Variants in ERC2 observed in about 807,000 individuals in gnomAD.
ERC2 encodes the protein ELKS/RAB6-interacting/CAST family member 2, also known as ERC protein 2.
In ERC2, 42 loss-of-function variants were observed where a neutral mutation model predicts 114.8. That is an observed-to-expected ratio of 0.37 (90% CI 0.29 to 0.47). The LOEUF (loss-of-function observed/expected upper bound fraction) is 0.47, where lower values mean the gene tolerates loss of function less well. Ranked by LOEUF, ERC2 falls within the 20% of genes least tolerant of loss-of-function variation. The probability of loss-of-function intolerance (pLI) is 0.99; values close to 1 mark genes in which losing one functional copy is unlikely to be tolerated. For missense variants in ERC2, 939 were observed against 1,150.7 expected, an observed-to-expected ratio of 0.82 and a Z score of 2.66; for synonymous variants, 454 against 425.5, an observed-to-expected ratio of 1.07 and a Z score of -0.82.
intron 4 of ERC2, among the ~76,000 whole-genome samples, chr3:56,172,032 CT>C (rs71939591): frequency 0.32 from 44,975 of 140,110 alleles, 7,588 homozygotes; most frequent in Middle Eastern, 0.46. Flanking sequence ...CATTTTTCCT[CT>C]TTTTTTTTTT....
At chr3:56,213,232 G>A (rs1192214085) in intron 3 of ERC2, among the ~76,000 whole-genome samples, 2 of 152,194 alleles carry the variant, frequency 1.3e-5, no homozygotes, top group African/African-American at 4.8e-5. Flanking sequence ...CCTCACCCAG[G>A]AAGTGCAAGG....
chr3:55,980,278 A>AT (rs2070005731), intron 12 of ERC2, among the ~76,000 whole-genome samples: 1 of 150,144 alleles, frequency 6.7e-6, no homozygotes, highest in African/African-American at 2.5e-5. Context: ...AAAATCCTCC[A>AT]CAAAAAAAAT....
At chr3:56,132,189 A>G (rs777104614) in intron 6 of ERC2, among the ~76,000 whole-genome samples, 4 of 152,150 alleles carry the variant, frequency 2.6e-5, no homozygotes, top group Non-Finnish European at 4.4e-5. Flanking sequence ...ACTCCTTGTC[A>G]TGGTTACCTT....
chr3:56,139,591 T>C lies in ERC2; in HGVS notation c.1391A>G (p.Asn464Ser). 6.2e-7 allele frequency: 1 copy of C among 1,613,696 alleles called. No individual in the cohort carries two copies. Among genetic ancestry groups the C allele is most frequent in the South Asian group, 1.1e-5 (1 of 90,958 alleles). The change falls in exon 6 of 18, where the codon AAT (asparagine) becomes AGT (serine). Residue 464 changes from asparagine to serine, a missense_variant. Coordinates refer to ENST00000288221, the MANE Select transcript of ERC2 (RefSeq NM_015576.3). The stretch of plus-strand genomic sequence containing the variant: ...TTCAATGTGTTGCTTGCAATCTGAA[T>C]TTTGATTGCTGAGGGTTTCAAGCTT... ...QTKLETLSNQ[N>S]SDCKQHIEVL... is the part of the protein sequence containing the mutation.
chr3:55,980,630 A>G (rs1041156089), intron 12 of ERC2, among the ~76,000 whole-genome samples: 6 of 152,352 alleles, frequency 3.9e-5, no homozygotes, highest in Middle Eastern at 3.4e-3. Flanking sequence ...CCTTCTCAGC[A>G]TTTACAGAAA....
At chr3:56,243,884 G>A (rs2051495123) in intron 3 of ERC2, among the ~76,000 whole-genome samples, 1 of 152,104 alleles carries the variant, frequency 6.6e-6, no homozygotes, top group Non-Finnish European at 1.5e-5. Context: ...TACTTCCCAG[G>A]TGAGTTTATA....
chr3:55,652,658 G>T (rs999412500), intron 17 of ERC2, among the ~76,000 whole-genome samples: 1 of 152,082 alleles, frequency 6.6e-6, no homozygotes, highest in South Asian at 2.1e-4. Flanking sequence ...TGGATCATAA[G>T]GTCATGAGTT....
chr3:56,376,437 G>A (rs73074002), intron 2 of ERC2, among the ~76,000 whole-genome samples: 4,609 of 149,718 alleles, frequency 0.031, 142 homozygotes, highest in African/African-American at 0.072. Context: ...CCAGCTGTGA[G>A]ACAAAGAATC....
At chr3:55,882,876 ACTTT>A (rs2063178449) in intron 14 of ERC2, among the ~76,000 whole-genome samples, 1 of 152,128 alleles carries the variant, frequency 6.6e-6, no homozygotes, top group South Asian at 2.1e-4. Flanking sequence ...AATACACCAC[ACTTT>A]CCATGTCCCT....
intron 12 of ERC2, among the ~76,000 whole-genome samples, chr3:55,951,968 A>T (rs1373754781): frequency 6.6e-6 from 1 of 151,772 alleles, no homozygotes; most frequent in Non-Finnish European, 1.5e-5. Context: ...TTTAGTTAGT[A>T]GAATAATATT....
At chr3:56,054,303 C>T (rs571947767) in intron 7 of ERC2, among the ~76,000 whole-genome samples, 1 of 152,276 alleles carries the variant, frequency 6.6e-6, no homozygotes, top group South Asian at 2.1e-4. Context: ...TAAGGAAAAA[C>T]AAACATCGTT....
intron 14 of ERC2, among the ~76,000 whole-genome samples, chr3:55,818,022 C>A (rs2059971865): frequency 6.6e-6 from 1 of 152,188 alleles, no homozygotes; most frequent in Admixed American, 6.5e-5. Flanking sequence ...CTTGTCAGCA[C>A]CTCTTTCACG....
At position 55,889,770 on chromosome 3, in the gene ERC2, T is replaced by C. The variant is rs543350465; in HGVS notation, c.2404-1221A>G. Among the ~76,000 whole-genome samples, 3 of 152,202 alleles carry C rather than the reference T, an allele frequency of 2.0e-5. No individual in the cohort carries two copies. The South Asian group carries it at 6.2e-4, about 31-fold the overall frequency. ...CCCCTTCCAGCTGAACTTGGCAGAA[T>C]AGGCTCATCCATCACTAAAGTCAAC... On this transcript the variant is annotated intron_variant, in intron 13 of 17. Transcript: ENST00000288221.
At chr3:56,318,513 G>C (rs1277615408) in intron 2 of ERC2, among the ~76,000 whole-genome samples, 1 of 150,720 alleles carries the variant, frequency 6.6e-6, no homozygotes, top group Non-Finnish European at 1.5e-5. Context: ...AAAAAATGGA[G>C]AAAACATTTG....
intron 17 of ERC2, among the ~76,000 whole-genome samples, chr3:55,675,532 G>A (rs373898626): frequency 1.4e-4 from 21 of 152,154 alleles, no homozygotes; most frequent in African/African-American, 4.3e-4. Context: ...TTTAGATGTC[G>A]TCTTGGTTTT....
At chr3:55,541,343 TC>T (rs1201276390) in intron 17 of ERC2, among the ~76,000 whole-genome samples, 1 of 152,128 alleles carries the variant, frequency 6.6e-6, no homozygotes, top group Non-Finnish European at 1.5e-5. Context: ...ACAGTCTGGC[TC>T]CCCCTTAGGT....
intron 15 of ERC2, among the ~76,000 whole-genome samples, chr3:55,732,368 C>T (rs946859323): frequency 1.1e-4 from 16 of 152,148 alleles, no homozygotes; most frequent in African/African-American, 3.4e-4. Context: ...ACCTAAATCA[C>T]GAAGGAGCCC....
intron 2 of ERC2, among the ~76,000 whole-genome samples, chr3:56,427,851 G>C (rs2061630059): frequency 6.6e-6 from 1 of 152,134 alleles, no homozygotes; most frequent in African/African-American, 2.4e-5. Context: ...ACATCACTCA[G>C]ACTCCAACAT....
At chr3:56,026,773 G>A (rs1377216424) in intron 7 of ERC2, among the ~76,000 whole-genome samples, 5 of 151,980 alleles carry the variant, frequency 3.3e-5, no homozygotes, top group Non-Finnish European at 4.4e-5. Flanking sequence ...ACAACCCAAC[G>A]GCCTTATTCA....
Sources: allele counts gnomAD v4.1 joint callset (sites outside exome capture counted in the v4.1 genomes callset), GRCh38; gene constraint gnomAD v4.1.1; transcripts MANE v1.5; gene names NCBI Gene and HGNC (gene_info 2026-07-23, HGNC 2026-07-21).